The following POLR2F variants were observed in gnomAD, a reference collection of about 807,000 sequenced individuals.
POLR2F encodes the protein DNA-directed RNA polymerases I, II, and III subunit RPABC2.
In POLR2F, 12 loss-of-function variants were observed where a neutral mutation model predicts 22.7. The ratio of observed to expected loss-of-function variants is 0.53; its 90% CI spans 0.34 to 0.86. The LOEUF is 0.86. POLR2F is among the 40% of genes least tolerant of loss of function. The probability of loss-of-function intolerance (pLI) is 0.02; values close to 1 mark genes in which losing one functional copy is unlikely to be tolerated. For synonymous variants in POLR2F, 57 were observed against 66.0 expected (o/e 0.86, Z 0.66); for missense variants, 126 against 171.5 (o/e 0.73, Z 1.48).
At chr22:38,003,318 C>T (rs1195815199) in intron 1 of POLR2F, among the ~76,000 whole-genome samples, 7 of 151,762 alleles carry the variant, frequency 4.6e-5, no homozygotes, top group African/African-American at 9.7e-5. Flanking sequence ...CCTCCGCCTC[C>T]CGGGTTCGAG....
intron 5 of POLR2F, chr22:38,032,550 C>T (rs957775162): frequency 6.6e-6 from 1 of 152,320 alleles, no homozygotes; most frequent in Non-Finnish European, 1.5e-5. Flanking sequence ...ACATAGTCCA[C>T]TGAGCTCTGC....
intron 1 of POLR2F, among the ~76,000 whole-genome samples, chr22:38,001,477 T>G (rs1178407609): frequency 6.6e-6 from 1 of 152,222 alleles, no homozygotes; most frequent in Non-Finnish European, 1.5e-5. Context: ...CAGAGAGCGA[T>G]GAGCACTGGG....
chr22:38,005,648 G>C (rs893140663), intron 1 of POLR2F, among the ~76,000 whole-genome samples: 16 of 152,282 alleles, frequency 1.1e-4, no homozygotes, highest in Admixed American at 8.5e-4. Context: ...GCCAGGGTGA[G>C]GGATTGTCAG....
At chr22:38,038,900 C>T (rs2085143688) in intron 5 of POLR2F, among the ~76,000 whole-genome samples, 2 of 151,984 alleles carry the variant, frequency 1.3e-5, no homozygotes, top group Admixed American at 6.5e-5. Context: ...GCCCTCAGGG[C>T]GGCCTGGGCT....
rs3026644 is a variant in POLR2F, at chr22:37,968,826, G to C, written c.*1111G>C. The C allele has an allele frequency of 2.2e-3, 2,170 of 985,582 alleles. 36 individuals carry two copies. In the African/African-American group the frequency reaches 0.036, roughly 16 times the overall value. The allele number at this position is 985,582 out of a possible 1,614,324, so 61.1% of individuals were successfully genotyped here. On this transcript the variant is annotated 3_prime_UTR_variant, in exon 5 of 5. Transcript: ENST00000442738. ...AGGCCTAGGTGCAGCCTGGCCCTGG[G>C]ATGGGATGTGGGGAGTGAATGGTGA...
chr22:37,999,774 T>C (rs983585350), intron 1 of POLR2F, among the ~76,000 whole-genome samples: 1 of 152,064 alleles, frequency 6.6e-6, no homozygotes, highest in Non-Finnish European at 1.5e-5. Context: ...CTCTTGAAAA[T>C]GGGTCATGTC....
Position 37,967,618 on chromosome 22 carries a change from GC to G in POLR2F, c.294-5del. Reference sequence around the variant, plus strand: ...CTCATGTACTTGTGACTTCTCCCCTGCCACAGGGCCCGAAAGATCCCCATCA... The same window carrying G: ...CTCATGTACTTGTGACTTCTCCCCTGCACAGGGCCCGAAAGATCCCCATCA... On this transcript the variant is annotated splice_polypyrimidine_tract_variant and splice_region_variant and intron_variant, in intron 4 of 4. Coordinates refer to ENST00000442738, the MANE Select transcript of POLR2F (RefSeq NM_021974.5). 1.9e-6 allele frequency: 3 copies of G among 1,613,642 alleles called. No individual in the cohort carries two copies. The highest frequency in any genetic ancestry group is 2.2e-5 in the South Asian group (2 of 91,028).
upstream of POLR2F, chr22:37,983,704 G>A (rs1463270429): frequency 6.6e-7 from 1 of 1,512,360 alleles, no homozygotes; most frequent in South Asian, 1.2e-5. This position sits in a 1 kb window ranked among gnomAD's most constrained non-coding sequence, Gnocchi z 9.5. Flanking sequence ...GCGAGGGCGC[G>A]CTCCCCGGGG....
intron 1 of POLR2F, among the ~76,000 whole-genome samples, chr22:38,019,214 G>A (rs780574882): frequency 1.3e-5 from 2 of 152,060 alleles, no homozygotes; most frequent in African/African-American, 2.4e-5. Context: ...GGCTGTGGGC[G>A]GGGTCAGAGT....
At chr22:37,961,438 G>A (rs1426518607) in intron 3 of POLR2F, among the ~76,000 whole-genome samples, 1 of 152,164 alleles carries the variant, frequency 6.6e-6, no homozygotes, top group Admixed American at 6.5e-5. Flanking sequence ...AAGCACGCTA[G>A]AGAGATGAAA....
rs150722320 is a variant in POLR2F, at chr22:37,986,625, C to T, written c.120+313C>T. 432 of 660,908 alleles carry T rather than the reference C, an allele frequency of 6.5e-4. 1 individual carries two copies. The African/African-American group carries it at 7.1e-3, about 11-fold the overall frequency. 40.9% of individuals were successfully genotyped at this position (660,908 alleles called of 1,614,324 possible). ...CACTCCCTCTCTCTCTCCCTTGTCCCCGCACAGACACTGCCTTCCTCTCAG... is the reference window on the plus strand; with the variant it reads ...CACTCCCTCTCTCTCTCCCTTGTCCTCGCACAGACACTGCCTTCCTCTCAG... On this transcript the variant is annotated intron_variant, in intron 1 of 2. Transcript: ENST00000333418. The surrounding 1 kb of genome is among the most constrained non-coding windows in gnomAD (Gnocchi z 4.7).
chr22:37,994,758 G>C (rs1199492656), intron 1 of POLR2F, among the ~76,000 whole-genome samples: 2 of 152,186 alleles, frequency 1.3e-5, no homozygotes, highest in Non-Finnish European at 2.9e-5. Context: ...CACCCGCCTT[G>C]GCCTCCCAAG....
chr22:37,962,892 G>A (rs138164038), intron 3 of POLR2F, among the ~76,000 whole-genome samples: 40 of 151,582 alleles, frequency 2.6e-4, no homozygotes, highest in Middle Eastern at 3.4e-3. Context: ...GTGTTTCACC[G>A]TGTTAGCGAG....
At chr22:38,030,465 C>G (rs1336279192), downstream of POLR2F, among the ~76,000 whole-genome samples, 1 of 104,778 alleles carries the variant, frequency 9.5e-6, no homozygotes, top group Admixed American at 1.1e-4. Flanking sequence ...CTCTCGGGAG[C>G]CAGTGTGCGC....
At chr22:37,971,665 G>C (rs1932056206), downstream of POLR2F, among the ~76,000 whole-genome samples, 1 of 152,116 alleles carries the variant, frequency 6.6e-6, no homozygotes, top group Non-Finnish European at 1.5e-5. Flanking sequence ...GTGTGTGCTG[G>C]GGGAGGTGGC....
At chr22:37,956,660 G>T in intron 1 of POLR2F, 113 bp from the exon 2 acceptor site, 1 of 830,348 alleles carries the variant, frequency 1.2e-6, no homozygotes, top group Non-Finnish European at 2.0e-6. Context: ...CAAGTGATCC[G>T]CCCACTTCAA....
At chr22:37,983,614 C>T, upstream of POLR2F, 1 of 1,606,918 alleles carries the variant, frequency 6.2e-7, no homozygotes, top group South Asian at 1.1e-5. The surrounding 1 kb of genome is among the most constrained non-coding windows in gnomAD (Gnocchi z 9.5). Flanking sequence ...CGTCCTGCTG[C>T]TCCTTCTTGA....
At chr22:38,041,181 C>G (rs2085168964), downstream of POLR2F, 1 of 1,603,074 alleles carries the variant, frequency 6.2e-7, no homozygotes, top group South Asian at 1.1e-5. Context: ...GTGGTGGGGA[C>G]TGGTCAAGGC....
At chr22:37,961,979 C>T (rs985364962) in intron 3 of POLR2F, among the ~76,000 whole-genome samples, 2 of 152,034 alleles carry the variant, frequency 1.3e-5, no homozygotes, top group African/African-American at 4.8e-5. Context: ...AACTGTAATC[C>T]CAGCACTTTG....
Sources: gnomAD v4.1 joint callset for allele counts (sites outside exome capture counted in the v4.1 genomes callset) on GRCh38, gnomAD v4.1.1 for gene constraint, Gnocchi (gnomAD v3.1) non-coding constraint, MANE v1.5 for transcripts, NCBI Gene and HGNC (gene_info 2026-07-23, HGNC 2026-07-21) for gene names.